Variants in FGGY observed in about 807,000 individuals in gnomAD.
FGGY encodes FGGY carbohydrate kinase domain-containing protein.
Under a neutral mutation model 71.3 loss-of-function variants are expected in FGGY, and 72 were observed. That is an observed-to-expected ratio of 1.01 (90% CI 0.84 to 1.23). The LOEUF is 1.23. Ranked by LOEUF, FGGY falls within the 50% of genes most tolerant of loss-of-function variation. FGGY has a pLI of 0.00. For synonymous variants in FGGY, 251 were observed against 250.3 expected, an observed-to-expected ratio of 1.00 and a Z score of -0.02; for missense variants, 668 against 682.3, an observed-to-expected ratio of 0.98 and a Z score of 0.23.
intron 2 of FGGY, among the ~76,000 whole-genome samples, chr1:59,327,671 G>T (rs1557558853): frequency 1.3e-5 from 2 of 152,140 alleles, no homozygotes; most frequent in African/African-American, 2.4e-5. Context: ...ACTTTATCTA[G>T]ATCAATTAGA....
At chr1:59,625,725 C>G (rs1558590689) in intron 9 of FGGY, among the ~76,000 whole-genome samples, 1 of 152,110 alleles carries the variant, frequency 6.6e-6, no homozygotes, top group Non-Finnish European at 1.5e-5. Context: ...CTGCTTCTAC[C>G]AGTTTAGCCT....
intron 5 of FGGY, among the ~76,000 whole-genome samples, chr1:59,448,798 A>G (rs2071942824): frequency 6.6e-6 from 1 of 152,208 alleles, no homozygotes; most frequent in Non-Finnish European, 1.5e-5. Flanking sequence ...CAGATAGAGC[A>G]TCAAGAAATA....
At chr1:59,306,825 G>T (rs1207611177) in intron 1 of FGGY, among the ~76,000 whole-genome samples, 1 of 152,182 alleles carries the variant, frequency 6.6e-6, no homozygotes, top group Admixed American at 6.5e-5. Context: ...AATAAAAATT[G>T]TTCAGGCTAA....
At chr1:59,661,017 C>G (rs1462657875) in intron 12 of FGGY, among the ~76,000 whole-genome samples, 1 of 151,878 alleles carries the variant, frequency 6.6e-6, no homozygotes, top group Non-Finnish European at 1.5e-5. Context: ...GGTATGTAAC[C>G]GAAATTAAGT....
At chr1:59,698,682 C>T (rs543806802) in intron 14 of FGGY, 65 of 888,360 alleles carry the variant, frequency 7.3e-5, no homozygotes, top group Non-Finnish European at 8.4e-5. Flanking sequence ...TTTTGATAAA[C>T]AGGACAGCTG....
At chr1:59,733,768 C>T (rs1189188874) in intron 14 of FGGY, among the ~76,000 whole-genome samples, 1 of 152,246 alleles carries the variant, frequency 6.6e-6, no homozygotes, top group Non-Finnish European at 1.5e-5. Context: ...GTGCACACAG[C>T]CGTAAGGACA....
intron 14 of FGGY, among the ~76,000 whole-genome samples, chr1:59,744,283 C>G (rs937224554): frequency 6.6e-6 from 1 of 152,210 alleles, no homozygotes; most frequent in Non-Finnish European, 1.5e-5. Flanking sequence ...TGCAGTGGCA[C>G]GATCTCGGCT....
Position 59,324,369 on chromosome 1 carries a change from C to T in FGGY, c.201+2619C>T, listed in dbSNP as rs920589314. Among the ~76,000 whole-genome samples the T allele has an allele frequency of 1.2e-4, 17 of 145,858 alleles. No homozygotes were observed. In the East Asian group the frequency reaches 1.8e-3, roughly 15 times the overall value. On this transcript the variant is annotated intron_variant, in intron 2 of 15. Coordinates refer to ENST00000303721, the MANE Select transcript of FGGY (RefSeq NM_018291.5). ...TCGGCTCACTGCAAGCTCCGCCTCC[C>T]GGGTTCACGCCATTCTCCTGCCTCA...
intron 4 of FGGY, among the ~76,000 whole-genome samples, chr1:59,361,195 T>TGAA (rs2055435685): frequency 6.6e-6 from 1 of 152,232 alleles, no homozygotes; most frequent in South Asian, 2.1e-4. Flanking sequence ...GGACGTTCAT[T>TGAA]CATTCAGCAA....
intron 13 of FGGY, among the ~76,000 whole-genome samples, chr1:59,672,234 C>T (rs1191180442): frequency 6.6e-6 from 1 of 152,216 alleles, no homozygotes; most frequent in Non-Finnish European, 1.5e-5. Context: ...CCCTTCCCCA[C>T]TTATCCAGTT....
intron 6 of FGGY, among the ~76,000 whole-genome samples, chr1:59,490,809 CT>C (rs1206726960): frequency 6.6e-6 from 1 of 151,806 alleles, no homozygotes; most frequent in African/African-American, 2.4e-5. Flanking sequence ...GCTGTTGGTG[CT>C]TTTTTCAAAA....
rs1346356572 is a variant in FGGY, at chr1:59,321,530, CT to C, written c.-14-5del. ...TTCATATGGTTTTTACACTTGCTTA[CT>C]ATAGGTGGAGGAACTGCAATGTCTG... On this transcript the variant is annotated splice_polypyrimidine_tract_variant and splice_region_variant and intron_variant, in intron 1 of 15. Coordinates refer to ENST00000303721, the MANE Select transcript of FGGY (RefSeq NM_018291.5). The C allele has an allele frequency of 1.3e-5, 21 of 1,612,454 alleles. No individual in the cohort carries two copies. In the Middle Eastern group the frequency reaches 8.3e-4, roughly 63 times the overall value.
chr1:59,662,060 G>A (rs1363448602), intron 12 of FGGY, among the ~76,000 whole-genome samples: 10 of 143,686 alleles, frequency 7.0e-5, no homozygotes, highest in Non-Finnish European at 1.1e-4. Flanking sequence ...GTGACTCAAC[G>A]CCTGTAATCC....
intron 8 of FGGY, among the ~76,000 whole-genome samples, chr1:59,593,935 G>A (rs964177832): frequency 1.3e-5 from 2 of 152,218 alleles, no homozygotes; most frequent in Non-Finnish European, 2.9e-5. Flanking sequence ...ATATTAGGCA[G>A]CTACTCTGTG....
chr1:59,381,879 A>G lies in FGGY; in HGVS notation c.554+3042A>G, dbSNP rs189697840. Among the ~76,000 whole-genome samples, 358 of 152,338 alleles carry G rather than the reference A, an allele frequency of 2.4e-3. 1 individual carries two copies. The highest frequency in any genetic ancestry group is 4.1e-3 in the Non-Finnish European group (280 of 68,024). On this transcript the variant is annotated intron_variant, in intron 5 of 15. Coordinates refer to ENST00000303721, the MANE Select transcript of FGGY (RefSeq NM_018291.5). ...CATATGCTACACAATAGAGACTTGT[A>G]TAAAATACTCATTGAGTGTGAAATT...
rs775606505 is a variant in FGGY at position 59,314,783 on chromosome 1, T to A, written c.-14-6753T>A. Among the ~76,000 whole-genome samples the A allele has an allele frequency of 7.9e-4, 120 of 152,328 alleles. 1 individual carries two copies. In the Middle Eastern group the frequency reaches 0.017, roughly 22 times the overall value. ...CATACCAAATTTATTTGTGTGTGTA[T>A]GCACTGGGGATACAGAGGTGGATAA... is the stretch of plus-strand genomic sequence containing the variant. On this transcript the variant is annotated intron_variant, in intron 1 of 15. Transcript: ENST00000303721.
intron 5 of FGGY, among the ~76,000 whole-genome samples, chr1:59,382,596 G>A (rs747503960): frequency 1.3e-5 from 2 of 152,320 alleles, no homozygotes; most frequent in Middle Eastern, 3.4e-3. Context: ...CTCTTTTGGT[G>A]TGATGTTAAT....
intron 6 of FGGY, among the ~76,000 whole-genome samples, chr1:59,500,375 C>G (rs771427662): frequency 6.6e-6 from 1 of 152,068 alleles, no homozygotes; most frequent in African/African-American, 2.4e-5. Context: ...TTGTTACTGA[C>G]AGAGCCCCTG....
At chr1:59,669,125 A>G (rs986977704) in intron 13 of FGGY, among the ~76,000 whole-genome samples, 2 of 152,170 alleles carry the variant, frequency 1.3e-5, no homozygotes, top group African/African-American at 4.8e-5. Flanking sequence ...TAATCCTCCC[A>G]TACCACCAAA....
Sources: allele counts gnomAD v4.1 joint callset (sites outside exome capture counted in the v4.1 genomes callset), GRCh38; gene constraint gnomAD v4.1.1; transcripts MANE v1.5; gene names NCBI Gene and HGNC (gene_info 2026-07-23, HGNC 2026-07-21).